The following PTPRT variants were observed in gnomAD, a reference collection of about 807,000 sequenced individuals.
PTPRT encodes receptor-type tyrosine-protein phosphatase T.
In PTPRT, 56 loss-of-function variants were observed where a neutral mutation model predicts 176.8. That is an observed-to-expected ratio of 0.32 (90% CI 0.26 to 0.40). The LOEUF (loss-of-function observed/expected upper bound fraction) is 0.40, where lower values mean the gene tolerates loss of function less well. Ranked by LOEUF, PTPRT falls within the 10% of genes least tolerant of loss-of-function variation. The pLI, the probability that PTPRT is intolerant of heterozygous loss-of-function variation, is 1.00. For missense variants in PTPRT, 1,540 were observed against 1,908.2 expected (o/e 0.81, Z 3.60); for synonymous variants, 783 against 739.0 (o/e 1.06, Z -0.96).
intron 7 of PTPRT, among the ~76,000 whole-genome samples, chr20:42,557,358 T>A (rs746031721): frequency 5.9e-5 from 9 of 152,062 alleles, no homozygotes; most frequent in Admixed American, 1.3e-4. Context: ...CTCCTACCCC[T>A]TGCTCTGCAA....
intron 7 of PTPRT, among the ~76,000 whole-genome samples, chr20:42,623,436 G>T (rs2074235522): frequency 6.6e-6 from 1 of 152,188 alleles, no homozygotes; most frequent in Non-Finnish European, 1.5e-5. Context: ...CATGTCATGT[G>T]GGGGAAGCAG....
At chr20:42,773,960 C>A (rs1569148402) in intron 4 of PTPRT, among the ~76,000 whole-genome samples, 1 of 152,208 alleles carries the variant, frequency 6.6e-6, no homozygotes, top group Non-Finnish European at 1.5e-5. Context: ...CCCCAGCATG[C>A]CTCTGACTCC....
At chr20:42,308,882 T>C (rs566108503) in intron 12 of PTPRT, among the ~76,000 whole-genome samples, 32 of 152,280 alleles carry the variant, frequency 2.1e-4, no homozygotes, top group African/African-American at 7.2e-4. Context: ...CTAACCTAGC[T>C]CTACCTAGAT....
chr20:42,335,472 C>T (rs1270658945), intron 11 of PTPRT, among the ~76,000 whole-genome samples: 2 of 152,032 alleles, frequency 1.3e-5, no homozygotes, highest in Non-Finnish European at 2.9e-5. Flanking sequence ...AGAGATAATA[C>T]AGGAGTCAGA....
chr20:42,813,452 CTTGT>C (rs1008320171), intron 2 of PTPRT, among the ~76,000 whole-genome samples: 8 of 150,668 alleles, frequency 5.3e-5, no homozygotes, highest in African/African-American at 1.5e-4. Context: ...TCTTTCCTTC[CTTGT>C]TTCTTTTCTC....
intron 1 of PTPRT, among the ~76,000 whole-genome samples, chr20:42,921,006 T>C (rs1979112683): frequency 6.6e-6 from 1 of 152,202 alleles, no homozygotes; most frequent in African/African-American, 2.4e-5. Flanking sequence ...TTTTAACTAC[T>C]GAGGTTAGCC....
chr20:42,815,398 C>T (rs375855584), intron 2 of PTPRT, among the ~76,000 whole-genome samples: 1 of 152,094 alleles, frequency 6.6e-6, no homozygotes, highest in African/African-American at 2.4e-5. Flanking sequence ...TTGCCAACAC[C>T]AAGGATGGAG....
At chr20:42,568,053 G>A (rs1601286052) in intron 7 of PTPRT, among the ~76,000 whole-genome samples, 1 of 150,796 alleles carries the variant, frequency 6.6e-6, no homozygotes. Flanking sequence ...CACTGCAACC[G>A]CCGCCTCCTG....
chr20:42,584,978 G>C (rs370687058), intron 7 of PTPRT, among the ~76,000 whole-genome samples: 1 of 152,154 alleles, frequency 6.6e-6, no homozygotes, highest in African/African-American at 2.4e-5. Flanking sequence ...GGCTGCACTG[G>C]TGCTTACCCA....
At chr20:42,091,991 G>A (rs1984674709) in intron 27 of PTPRT, among the ~76,000 whole-genome samples, 1 of 152,190 alleles carries the variant, frequency 6.6e-6, no homozygotes, top group Non-Finnish European at 1.5e-5. Flanking sequence ...TCTTGGGGTG[G>A]GAGGCAAGGC....
intron 7 of PTPRT, among the ~76,000 whole-genome samples, chr20:42,611,246 G>T (rs887766701): frequency 6.6e-6 from 1 of 152,198 alleles, no homozygotes; most frequent in South Asian, 2.1e-4. Context: ...CTCCCAAACT[G>T]CTTTTCAAAG....
At chr20:42,479,283 G>T (rs2071341395) in intron 7 of PTPRT, among the ~76,000 whole-genome samples, 1 of 152,220 alleles carries the variant, frequency 6.6e-6, no homozygotes, top group African/African-American at 2.4e-5. Flanking sequence ...AAGATAATTT[G>T]GGGATGGGGC....
chr20:42,406,317 G>A (rs2058960471), intron 9 of PTPRT, among the ~76,000 whole-genome samples: 1 of 151,694 alleles, frequency 6.6e-6, no homozygotes, highest in Admixed American at 6.6e-5. Flanking sequence ...AAATAAGAGA[G>A]TATAACATAT....
chr20:42,493,846 TC>T, intron 7 of PTPRT, among the ~76,000 whole-genome samples: 1 of 152,024 alleles, frequency 6.6e-6, no homozygotes, highest in Admixed American at 6.6e-5. Flanking sequence ...TCTTTTTCTC[TC>T]CCCAAGCTGC....
intron 6 of PTPRT, among the ~76,000 whole-genome samples, chr20:42,743,326 T>C (rs551947237): frequency 6.6e-6 from 1 of 152,312 alleles, no homozygotes; most frequent in South Asian, 2.1e-4. Flanking sequence ...AGCCTCCTTT[T>C]CTACCAGGTT....
intron 9 of PTPRT, among the ~76,000 whole-genome samples, chr20:42,421,280 ATG>A (rs149018521): frequency 2.0e-5 from 1 of 50,120 alleles, no homozygotes; most frequent in Admixed American, 2.5e-4. Context: ...ACACACACGC[ATG>A]CACACACACA....
At chr20:42,204,200 C>A (rs2055393457) in intron 15 of PTPRT, among the ~76,000 whole-genome samples, 1 of 152,078 alleles carries the variant, frequency 6.6e-6, no homozygotes, top group African/African-American at 2.4e-5. Context: ...TTAGCATTTC[C>A]TTCTTGGAAT....
At chr20:42,552,988 T>C (rs1263247348) in intron 7 of PTPRT, among the ~76,000 whole-genome samples, 1 of 152,108 alleles carries the variant, frequency 6.6e-6, no homozygotes, top group Non-Finnish European at 1.5e-5. Context: ...ACAGTCAATT[T>C]TAGAGGTCAG....
Position 42,856,104 on chromosome 20 carries a change from G to A in PTPRT, c.214+29703C>T, listed in dbSNP as rs1181094715. 8.5e-5 allele frequency among the ~76,000 whole-genome samples: 13 copies of A among 152,280 alleles called. No homozygotes were observed. The East Asian group carries it at 1.2e-3, about 14-fold the overall frequency. On this transcript the variant is annotated intron_variant, in intron 2 of 30. Transcript: ENST00000373187. ...AAGCTTTAGGGGACCACCCACCCCA[G>A]GAAGAGGATCAACTGACAATTCAAT...
Sources: gnomAD v4.1 joint callset for allele counts (sites outside exome capture counted in the v4.1 genomes callset) on GRCh38, gnomAD v4.1.1 for gene constraint, MANE v1.5 for transcripts, NCBI Gene and HGNC (gene_info 2026-07-23, HGNC 2026-07-21) for gene names.